The following TNFSF10 variants were observed in gnomAD, a reference collection of about 807,000 sequenced individuals.
TNFSF10 encodes the protein TNF superfamily member 10, also known as tumor necrosis factor ligand superfamily member 10.
TNFSF10 carries 13 observed loss-of-function variants against 29.5 expected under a neutral mutation model. That is an observed-to-expected ratio of 0.44 (90% CI 0.29 to 0.70). The LOEUF (loss-of-function observed/expected upper bound fraction) is 0.70, where lower values mean the gene tolerates loss of function less well. Ranked by LOEUF, TNFSF10 falls within the 30% of genes least tolerant of loss-of-function variation. The pLI is 0.13. For missense variants in TNFSF10, 345 were observed against 330.9 expected, an observed-to-expected ratio of 1.04 and a Z score of -0.33; for synonymous variants, 111 against 112.8, an observed-to-expected ratio of 0.98 and a Z score of 0.10.
intron 1 of TNFSF10, among the ~76,000 whole-genome samples, chr3:172,521,104 A>G (rs757744041): frequency 6.6e-6 from 1 of 152,360 alleles, no homozygotes; most frequent in Non-Finnish European, 1.5e-5. Context: ...AAAACCCCAG[A>G]AGAAAACCTA....
chr3:172,509,165 C>T (rs941738856), intron 4 of TNFSF10, 52 bp downstream of exon 4: 3 of 1,474,064 alleles, frequency 2.0e-6, no homozygotes, highest in African/African-American at 2.8e-5. Flanking sequence ...AGTTACTTGG[C>T]ACAATCCTTC....
intron 3 of TNFSF10, among the ~76,000 whole-genome samples, chr3:172,509,993 A>G (rs561812473): frequency 3.3e-5 from 5 of 152,010 alleles, no homozygotes; most frequent in Admixed American, 3.3e-4. Context: ...AAAAAAAAAA[A>G]AAAGAAATGT....
At chr3:172,510,093 A>G (rs1183876368) in intron 3 of TNFSF10, among the ~76,000 whole-genome samples, 1 of 152,168 alleles carries the variant, frequency 6.6e-6, no homozygotes, top group Non-Finnish European at 1.5e-5. Flanking sequence ...CATCAAACAG[A>G]CAGTGCTAGG....
At chr3:172,515,915 C>T (rs774279539) in intron 1 of TNFSF10, among the ~76,000 whole-genome samples, 5 of 152,112 alleles carry the variant, frequency 3.3e-5, no homozygotes, top group Admixed American at 6.6e-5. Flanking sequence ...TCTTCTCTTC[C>T]GTTTTGTTTT....
chr3:172,508,949 A>C (rs1560144302), intron 4 of TNFSF10, among the ~76,000 whole-genome samples: 1 of 76,038 alleles, frequency 1.3e-5, no homozygotes, highest in Non-Finnish European at 2.7e-5. Context: ...AATTACTCTA[A>C]AGAAGGAAAA....
At chr3:172,509,413 A>T (rs1424394327) in intron 3 of TNFSF10, 92 bp from the exon 4 acceptor site, 5 of 862,378 alleles carry the variant, frequency 5.8e-6, no homozygotes, top group Non-Finnish European at 1.8e-6. Flanking sequence ...AGCCATCGTA[A>T]GCATACTGGG....
chr3:172,517,296 C>A (rs1713476680), intron 1 of TNFSF10: 1 of 981,744 alleles, frequency 1.0e-6, no homozygotes, highest in Non-Finnish European at 1.2e-6. Context: ...CAATTGCTGG[C>A]TAGAGCCTGT....
chr3:172,506,992 T>G, intron 4 of TNFSF10, 73 bp from the exon 5 acceptor site: 1 of 1,341,412 alleles, frequency 7.5e-7, no homozygotes, highest in Non-Finnish European at 1.0e-6. Context: ...TTTTTGCAGC[T>G]GTGGCCAGCC....
chr3:172,506,849 G>T lies in TNFSF10; in HGVS notation c.489C>A (p.Phe163Leu), dbSNP rs868482800. Residue 163 changes from phenylalanine (F) to leucine (L), a missense_variant, in exon 5 of 5, where the codon TTC becomes TTA. Transcript: ENST00000241261. ...SWESSRSGHS[F>L]LSNLHLRNGE... ...CATTCCTCAAGTGCAAGTTGCTCAG[G>T]AATGAATGCCCACTCCTTGATGATT... 1.9e-6 allele frequency: 3 copies of T among 1,614,134 alleles called. No individual in the cohort carries two copies. In the South Asian group the frequency reaches 3.3e-5, roughly 18 times the overall value.
rs576166816 is a variant in TNFSF10, at chr3:172,523,427, G to A, written c.-43C>T. ...ACTGCTGTAAGTCAGCCAGGCAGCC[G>A]GTCACTGAAGCCCTTCCTTCTCTAT... On this transcript the variant is annotated 5_prime_UTR_variant, in exon 1 of 5. Coordinates refer to ENST00000241261, the MANE Select transcript of TNFSF10 (RefSeq NM_003810.4). 42 of 1,590,720 alleles carry A rather than the reference G, an allele frequency of 2.6e-5. No homozygotes were observed. In the Admixed American group the frequency reaches 3.3e-4, roughly 12 times the overall value.
intron 1 of TNFSF10, chr3:172,518,435 A>C (rs1471648053): frequency 7.8e-7 from 1 of 1,289,356 alleles, no homozygotes; most frequent in African/African-American, 1.5e-5. Flanking sequence ...TGCTGCCCAG[A>C]CATTAGTCTC....
At chr3:172,510,559 T>C (rs975107373) in intron 3 of TNFSF10, among the ~76,000 whole-genome samples, 5 of 152,190 alleles carry the variant, frequency 3.3e-5, no homozygotes, top group Non-Finnish European at 5.9e-5. Context: ...CCTGCAAATA[T>C]GTATATCGAG....
At position 172,514,895 on chromosome 3, in the gene TNFSF10, T is replaced by C. The variant is rs1713367799; in HGVS notation, c.236A>G (p.Gln79Arg). ...GAGCTGACGGAGTTGCCACTTGACTTGCCAGCAGGGGCTGTTCATACTCTC... is the reference window on the plus strand; with the variant it reads ...GAGCTGACGGAGTTGCCACTTGACTCGCCAGCAGGGGCTGTTCATACTCTC... Reference protein sequence around the residue: ...DEESMNSPCWQVKWQLRQLVR... With the variant: ...DEESMNSPCWRVKWQLRQLVR... The change falls in exon 2 of 5, where the codon CAA (glutamine) becomes CGA (arginine). Residue 79 changes from glutamine to arginine, a missense_variant. By Grantham distance (43) the Gln-to-Arg change is conservative. Transcript: ENST00000241261. The C allele has an allele frequency of 6.2e-7, 1 of 1,614,070 alleles. No individual in the cohort carries two copies. The highest frequency in any genetic ancestry group is 2.2e-5 in the East Asian group (1 of 44,904).
intron 1 of TNFSF10, chr3:172,517,291 G>A: frequency 1.0e-6 from 1 of 975,676 alleles, no homozygotes; most frequent in Non-Finnish European, 1.2e-6. Flanking sequence ...AGCACCAATT[G>A]CTGGCTAGAG....
intron 1 of TNFSF10, among the ~76,000 whole-genome samples, chr3:172,515,326 G>A (rs1489458910): frequency 6.6e-6 from 1 of 152,034 alleles, no homozygotes; most frequent in Non-Finnish European, 1.5e-5. Context: ...TTATAGTTTT[G>A]AGCCGGTTCA....
intron 2 of TNFSF10, among the ~76,000 whole-genome samples, chr3:172,514,646 T>C (rs189631855): frequency 6.6e-6 from 1 of 152,362 alleles, no homozygotes; most frequent in African/African-American, 2.4e-5. Flanking sequence ...GAATGAACTC[T>C]AGACCAGGAG....
At chr3:172,511,777 T>C in intron 2 of TNFSF10, 118 bp from the exon 3 acceptor site, 1 of 856,372 alleles carries the variant, frequency 1.2e-6, no homozygotes, top group South Asian at 1.6e-5. Flanking sequence ...ATTATCAATC[T>C]GGGAAGTTTT....
At chr3:172,509,146 TA>T in intron 4 of TNFSF10, 70 bp downstream of exon 4, 1 of 1,331,788 alleles carries the variant, frequency 7.5e-7, no homozygotes, top group South Asian at 1.3e-5. Flanking sequence ...TAAAATTCTT[TA>T]AAAAATAAGT....
At chr3:172,518,627 T>C (rs756962012) in intron 1 of TNFSF10, among the ~76,000 whole-genome samples, 2 of 152,238 alleles carry the variant, frequency 1.3e-5, no homozygotes, top group Non-Finnish European at 2.9e-5. Context: ...TTGTTGTTCA[T>C]GTTTGCTGGT....
Sources: gnomAD v4.1 joint callset for allele counts (sites outside exome capture counted in the v4.1 genomes callset) on GRCh38, gnomAD v4.1.1 for gene constraint, MANE v1.5 for transcripts, NCBI Gene and HGNC (gene_info 2026-07-23, HGNC 2026-07-21) for gene names.